The following TRRAP variants were observed in gnomAD, a reference collection of about 807,000 sequenced individuals.
TRRAP encodes transformation/transcription domain associated protein, also known as transformation/transcription domain-associated protein.
TRRAP carries 41 observed loss-of-function variants against 438.8 expected under a neutral mutation model. The observed-to-expected ratio is 0.09, with a 90% CI of 0.07 to 0.12. The LOEUF (loss-of-function observed/expected upper bound fraction) is 0.12, where lower values mean the gene tolerates loss of function less well. Among genes scored for constraint, TRRAP ranks in the 10% least tolerant of loss-of-function variants. TRRAP has a pLI of 1.00. For synonymous variants in TRRAP, 1,994 were observed against 1,962.9 expected, an observed-to-expected ratio of 1.02 and a Z score of -0.42; for missense variants, 3,122 against 5,055.1, an observed-to-expected ratio of 0.62 and a Z score of 11.60.
chr7:98,999,979 A>G (rs1450590515), intron 67 of TRRAP: 1 of 201,848 alleles, frequency 5.0e-6, no homozygotes, highest in East Asian at 1.3e-4. Context: ...GGATGTCAGC[A>G]CCGCAATCTG....
chr7:98,930,155 C>T lies in TRRAP; in HGVS notation c.3342C>T (p.Ala1114=). The T allele has an allele frequency of 6.2e-7, 1 of 1,614,068 alleles. No individual in the cohort carries two copies. Among genetic ancestry groups the T allele is most frequent in the Non-Finnish European group, 8.5e-7 (1 of 1,180,020 alleles). Residue 1114 remains alanine, a synonymous_variant, in exon 24 of 73, where the codon GCC becomes GCT. Coordinates refer to ENST00000456197, the MANE Select transcript of TRRAP (RefSeq NM_001375524.1). ...AGCTTTGCAAAATCGGGGAGGTGGCCCTAGCTGTGATATTTGATGTTGCAA... is the reference window on the plus strand; with the variant it reads ...AGCTTTGCAAAATCGGGGAGGTGGCTCTAGCTGTGATATTTGATGTTGCAA... ...EKELCKIGEV[A]LAVIFDVASI...
intron 18 of TRRAP, among the ~76,000 whole-genome samples, chr7:98,913,571 A>C (rs1789379576): frequency 1.3e-5 from 2 of 152,038 alleles, no homozygotes; most frequent in Non-Finnish European, 2.9e-5. Flanking sequence ...TACAGGTGTG[A>C]GCCACTGCAC....
At chr7:98,936,950 C>T (rs1276338657) in intron 28 of TRRAP, among the ~76,000 whole-genome samples, 3 of 152,076 alleles carry the variant, frequency 2.0e-5, no homozygotes, top group Non-Finnish European at 2.9e-5. Flanking sequence ...AAAATTCAGC[C>T]GGGGGCAGTG....
intron 68 of TRRAP, 133 bp from the exon 69 acceptor site, chr7:99,004,998 A>G (rs1794096355): frequency 1.2e-6 from 1 of 831,090 alleles, no homozygotes; most frequent in South Asian, 1.6e-5. Context: ...CAGGGTACAA[A>G]TAAATTGATA....
intron 67 of TRRAP, among the ~76,000 whole-genome samples, chr7:99,000,705 C>T (rs984699972): frequency 2.6e-5 from 4 of 152,212 alleles, no homozygotes; most frequent in African/African-American, 4.8e-5. Context: ...GCTGTGTGGG[C>T]CTGTGAGCAA....
chr7:98,967,364 C>T, intron 50 of TRRAP, 121 bp from the exon 51 acceptor site: 1 of 1,317,604 alleles, frequency 7.6e-7, no homozygotes. Flanking sequence ...CGATTTATAA[C>T]ATACTCTTGG....
intron 4 of TRRAP, among the ~76,000 whole-genome samples, chr7:98,891,830 G>A (rs1449953350): frequency 2.6e-5 from 4 of 152,102 alleles, no homozygotes; most frequent in East Asian, 1.9e-4. Flanking sequence ...GAGCCACCGC[G>A]CCCGGCCCAG....
Position 98,899,014 on chromosome 7 carries a change from C to T in TRRAP, c.634-408C>T, listed in dbSNP as rs1231936198. Among the ~76,000 whole-genome samples the T allele has an allele frequency of 3.9e-5, 6 of 152,164 alleles. No individual in the cohort carries two copies. In the South Asian group the frequency reaches 6.2e-4, roughly 16 times the overall value. ...ACCAGCCTGGCCAACATGGCAAAAC[C>T]GCATCTCTACTAAAAAACACAAAAA... On this transcript the variant is annotated intron_variant, in intron 8 of 72. Transcript: ENST00000456197.
chr7:98,953,894 C>G (rs1443376152), intron 40 of TRRAP, among the ~76,000 whole-genome samples: 1 of 152,224 alleles, frequency 6.6e-6, no homozygotes, highest in Non-Finnish European at 1.5e-5. Flanking sequence ...CTCCCTTCCT[C>G]CCCCATTCCC....
chr7:98,922,000 C>G (rs782404905), intron 21 of TRRAP, 47 bp downstream of exon 21: 5 of 1,610,678 alleles, frequency 3.1e-6, no homozygotes, highest in Non-Finnish European at 1.7e-6. Context: ...TGTGAAGATA[C>G]TATGTTTCAG....
intron 19 of TRRAP, 124 bp from the exon 20 acceptor site, chr7:98,917,299 A>C: frequency 7.4e-7 from 1 of 1,354,806 alleles, no homozygotes; most frequent in Non-Finnish European, 1.0e-6. Context: ...CTAAGGGCAC[A>C]GAGGTCTCCC....
At chr7:98,972,068 G>A (rs1429705524) in intron 53 of TRRAP, 123 bp downstream of exon 53, 5 of 1,345,474 alleles carry the variant, frequency 3.7e-6, no homozygotes, top group Non-Finnish European at 3.9e-6. Context: ...TTTGAGATGG[G>A]ATGTTGCTTT....
In TRRAP at chr7:98,880,057, C is replaced by T. The variant is rs1467946345; in HGVS notation, c.-61-1033C>T. 2.0e-5 allele frequency among the ~76,000 whole-genome samples: 3 copies of T among 152,166 alleles called. No individual in the cohort carries two copies. In the South Asian group the frequency reaches 6.2e-4, roughly 32 times the overall value. On this transcript the variant is annotated intron_variant, in intron 1 of 72. Coordinates refer to ENST00000456197, the MANE Select transcript of TRRAP (RefSeq NM_001375524.1). ...CATCTGTGTGTCAGCTGGGAGCAGC[C>T]ACTGAGTGCCTGCTGCCTGGCAGCT...
chr7:98,971,189 A>C (rs911648809), intron 52 of TRRAP, among the ~76,000 whole-genome samples: 1 of 152,138 alleles, frequency 6.6e-6, no homozygotes, highest in Non-Finnish European at 1.5e-5. Context: ...AAAACACTAG[A>C]TTACCTGGTC....
chr7:98,915,285 TG>T (rs1789470039), intron 18 of TRRAP, among the ~76,000 whole-genome samples: 1 of 152,096 alleles, frequency 6.6e-6, no homozygotes, highest in African/African-American at 2.4e-5. Context: ...CTCTGCCTCC[TG>T]GGCTCAAGCA....
At position 98,933,229 on chromosome 7, in the gene TRRAP, T is replaced by C. The variant is rs372728049; in HGVS notation, c.3853-12T>C. ...CAGCTGGTGAGTGGTGCCTCCTCCT[T>C]GGCTTCCCCAGGTCCTGCAGGATAT... is the stretch of plus-strand genomic sequence containing the variant. On this transcript the variant is annotated splice_polypyrimidine_tract_variant and intron_variant, in intron 26 of 72. Coordinates refer to ENST00000456197, the MANE Select transcript of TRRAP (RefSeq NM_001375524.1). The C allele has an allele frequency of 6.5e-4, 1,052 of 1,606,146 alleles. No homozygotes were observed. The highest frequency in any genetic ancestry group is 8.1e-4 in the Non-Finnish European group (957 of 1,175,900).
At chr7:98,892,680 C>T in intron 5 of TRRAP, 152 bp downstream of exon 5, 1 of 614,768 alleles carries the variant, frequency 1.6e-6, no homozygotes, top group Non-Finnish European at 2.8e-6. Flanking sequence ...TCCCTTTTCC[C>T]CCATTTCCTC....
rs137960333 is a variant in TRRAP, at chr7:98,947,931, T to A, written c.4549-290T>A. On this transcript the variant is annotated intron_variant, in intron 33 of 72. Transcript: ENST00000456197. ...GCCTGGTAAGGTCACCTTTACCACT[T>A]GTGAGCACGCATGACAGCAAACAGC... is the stretch of plus-strand genomic sequence containing the variant. Among the ~76,000 whole-genome samples, 3 of 152,300 alleles carry A rather than the reference T, an allele frequency of 2.0e-5. No individual in the cohort carries two copies. In the East Asian group the frequency reaches 5.8e-4, roughly 29 times the overall value.
intron 21 of TRRAP, 39 bp downstream of exon 21, chr7:98,921,992 T>C (rs782397298): frequency 1.2e-6 from 2 of 1,612,990 alleles, no homozygotes; most frequent in Non-Finnish European, 1.7e-6. Flanking sequence ...TTAAGCCTTG[T>C]GAAGATACTA....
Sources: allele counts gnomAD v4.1 joint callset (sites outside exome capture counted in the v4.1 genomes callset), GRCh38; gene constraint gnomAD v4.1.1; transcripts MANE v1.5; gene names NCBI Gene and HGNC (gene_info 2026-07-23, HGNC 2026-07-21).